EPHA6: variants seen among roughly 807,000 people sequenced by gnomAD.
EPHA6 encodes EPH receptor A6.
In EPHA6, 50 loss-of-function variants were observed where a neutral mutation model predicts 112.0. The observed-to-expected ratio is 0.45, with a 90% CI of 0.36 to 0.56. The LOEUF is 0.56. Among genes scored for constraint, EPHA6 ranks in the 20% least tolerant of loss-of-function variants. The probability of loss-of-function intolerance (pLI) is 0.00; values close to 1 mark genes in which losing one functional copy is unlikely to be tolerated. For missense variants in EPHA6, 1,280 were observed against 1,417.4 expected (o/e 0.90, Z 1.56); for synonymous variants, 529 against 490.7 (o/e 1.08, Z -1.03).
At chr3:97,295,265 C>CT (rs202053817) in intron 5 of EPHA6, among the ~76,000 whole-genome samples, 2,475 of 152,086 alleles carry the variant, frequency 0.016, 59 homozygotes, top group African/African-American at 0.056. Context: ...TTTTTTCATG[C>CT]TTTTTTATTC....
intron 3 of EPHA6, among the ~76,000 whole-genome samples, chr3:97,160,065 G>A (rs1435678293): frequency 1.3e-5 from 2 of 152,052 alleles, no homozygotes; most frequent in Non-Finnish European, 2.9e-5. Flanking sequence ...AGTATGCTTT[G>A]GTGAATAGAA....
intron 14 of EPHA6, chr3:97,648,510 G>A: frequency 7.7e-7 from 1 of 1,291,642 alleles, no homozygotes. Context: ...ACTTTTTGAA[G>A]TTAATTTTTA....
intron 10 of EPHA6, among the ~76,000 whole-genome samples, chr3:97,490,748 T>C (rs2107521470): frequency 6.6e-6 from 1 of 152,268 alleles, no homozygotes; most frequent in Middle Eastern, 3.4e-3. Flanking sequence ...ACCCTAAAAC[T>C]TAAAACAGGA....
intron 11 of EPHA6, among the ~76,000 whole-genome samples, chr3:97,585,021 GCAGATTGTAGATTTATT>G (rs1320782430): frequency 6.6e-5 from 10 of 152,152 alleles, no homozygotes; most frequent in Non-Finnish European, 1.2e-4. Flanking sequence ...GGACGTATTA[GCAGATTGTAGATTTATT>G]CAGGACACTT....
chr3:97,260,076 C>G (rs1038754582), intron 5 of EPHA6, among the ~76,000 whole-genome samples: 2 of 152,184 alleles, frequency 1.3e-5, no homozygotes, highest in Admixed American at 6.5e-5. Flanking sequence ...GCTGGGATTA[C>G]AGGCATGAGC....
intron 11 of EPHA6, among the ~76,000 whole-genome samples, chr3:97,587,701 T>G (rs2093503843): frequency 6.6e-6 from 1 of 152,206 alleles, no homozygotes; most frequent in African/African-American, 2.4e-5. Context: ...ATCCTTATTT[T>G]CATAATGTGG....
chr3:97,631,711 T>A (rs2093903977), intron 13 of EPHA6, among the ~76,000 whole-genome samples: 1 of 152,054 alleles, frequency 6.6e-6, no homozygotes. Context: ...CTCTAAATGT[T>A]TGTAGAATCA....
intron 14 of EPHA6, among the ~76,000 whole-genome samples, chr3:97,700,464 C>A (rs2033318545): frequency 6.6e-6 from 1 of 152,130 alleles, no homozygotes; most frequent in Non-Finnish European, 1.5e-5. Context: ...GTGAACCTGG[C>A]ACTCCTAAGA....
chr3:97,381,892 C>T (rs529803162), intron 5 of EPHA6, among the ~76,000 whole-genome samples: 2 of 152,176 alleles, frequency 1.3e-5, no homozygotes, highest in Admixed American at 6.5e-5. Flanking sequence ...TTAACCTAAA[C>T]ATGGGACGCA....
At chr3:97,660,915 T>A (rs147233282) in intron 14 of EPHA6, among the ~76,000 whole-genome samples, 1 of 152,152 alleles carries the variant, frequency 6.6e-6, no homozygotes, top group Non-Finnish European at 1.5e-5. Context: ...GACAGTAGTC[T>A]TGTTTTGTTC....
At chr3:97,205,690 C>T (rs941737810) in intron 3 of EPHA6, among the ~76,000 whole-genome samples, 1 of 152,070 alleles carries the variant, frequency 6.6e-6, no homozygotes, top group Non-Finnish European at 1.5e-5. Flanking sequence ...GAGGACTATA[C>T]ATGACTGGAA....
intron 3 of EPHA6, among the ~76,000 whole-genome samples, chr3:97,187,956 TTTGACACATATCTGATTGGCAAA>T (rs1242268633): frequency 1.3e-5 from 2 of 152,106 alleles, no homozygotes; most frequent in African/African-American, 4.8e-5. Flanking sequence ...TGAGACACCA[TTTGACACATATCTGATTGGCAAA>T]AATCCAGTAT....
In EPHA6 at chr3:97,753,225, T is replaced by G. The variant is rs1009552033; in HGVS notation, c.*4524T>G. ...CACAAAATTTTACTACAAAGATACG[T>G]TTGGCTGTGCTGTCATTGCTTTCAA... On this transcript the variant is annotated 3_prime_UTR_variant, in exon 18 of 18. Transcript: ENST00000389672. Among the ~76,000 whole-genome samples the G allele has an allele frequency of 6.6e-6, 1 of 152,158 alleles. No individual in the cohort carries two copies. The highest frequency in any genetic ancestry group is 6.5e-5 in the Admixed American group (1 of 15,270).
chr3:97,287,559 T>G (rs1047065524), intron 5 of EPHA6, among the ~76,000 whole-genome samples: 17 of 152,160 alleles, frequency 1.1e-4, no homozygotes, highest in African/African-American at 3.6e-4. Flanking sequence ...CATCCTTTAT[T>G]ATGTTGAGGT....
chr3:97,717,868 A>T (rs1182521545), intron 14 of EPHA6, among the ~76,000 whole-genome samples: 1 of 152,226 alleles, frequency 6.6e-6, no homozygotes, highest in East Asian at 1.9e-4. Flanking sequence ...ATAAATTTAT[A>T]TGTGAATAAT....
Position 96,911,790 on chromosome 3 carries a change from C to T in EPHA6, c.450+44901C>T, listed in dbSNP as rs571701906. ...CTCTGTATAACTTGAATAAGCTTTC[C>T]GTTAAAGATAGTACATTTTTAAAAA... is the stretch of plus-strand genomic sequence containing the variant. On this transcript the variant is annotated intron_variant, in intron 2 of 17. Transcript: ENST00000389672. Among the ~76,000 whole-genome samples, 32 of 152,018 alleles carry T rather than the reference C, an allele frequency of 2.1e-4. No individual in the cohort carries two copies. In the South Asian group the frequency reaches 5.8e-3, roughly 28 times the overall value.
At chr3:97,658,808 C>G (rs1576223345) in intron 14 of EPHA6, among the ~76,000 whole-genome samples, 2 of 151,976 alleles carry the variant, frequency 1.3e-5, no homozygotes, top group Admixed American at 1.3e-4. Flanking sequence ...TAAAACAACA[C>G]CTTTGTAAAA....
chr3:97,616,527 A>T (rs910785710), intron 13 of EPHA6, among the ~76,000 whole-genome samples: 3 of 152,200 alleles, frequency 2.0e-5, no homozygotes, highest in African/African-American at 7.2e-5. Context: ...GAAGCTAAAA[A>T]TCATGATAAA....
intron 11 of EPHA6, among the ~76,000 whole-genome samples, chr3:97,534,246 T>C (rs1460205488): frequency 6.6e-6 from 1 of 152,146 alleles, no homozygotes; most frequent in African/African-American, 2.4e-5. Context: ...TTCAATAATA[T>C]TCTTTATTGG....
Sources: allele counts gnomAD v4.1 joint callset (sites outside exome capture counted in the v4.1 genomes callset), GRCh38; gene constraint gnomAD v4.1.1; transcripts MANE v1.5; gene names NCBI Gene and HGNC (gene_info 2026-07-23, HGNC 2026-07-21).